The following LRRC75A variants were observed in gnomAD, a reference collection of about 807,000 sequenced individuals.
LRRC75A encodes the protein leucine-rich repeat-containing protein 75A.
Under a neutral mutation model 26.0 loss-of-function variants are expected in LRRC75A, and 12 were observed. The ratio of observed to expected loss-of-function variants is 0.46; its 90% CI spans 0.30 to 0.75. LRRC75A has a LOEUF of 0.75. Ranked by LOEUF, LRRC75A falls within the 30% of genes least tolerant of loss-of-function variation. The pLI is 0.08. For missense variants in LRRC75A, 410 were observed against 486.6 expected (o/e 0.84, Z 1.48); for synonymous variants, 223 against 219.3 (o/e 1.02, Z -0.15).
chr17:16,463,505 CAGGCCCACCCACT>C (rs1465334766), intron 1 of LRRC75A, among the ~76,000 whole-genome samples: 2 of 152,196 alleles, frequency 1.3e-5, no homozygotes, highest in African/African-American at 2.4e-5. Context: ...GGAGGCAAAG[CAGGCCCACCCACT>C]GCAGGCTGTC....
chr17:16,452,079 C>G (rs1336309778), intron 2 of LRRC75A, among the ~76,000 whole-genome samples: 1 of 150,726 alleles, frequency 6.6e-6, no homozygotes, highest in Non-Finnish European at 1.5e-5. Context: ...GGGCCAGGTG[C>G]TGTGGCTCAC....
intron 2 of LRRC75A, among the ~76,000 whole-genome samples, chr17:16,453,652 C>G (rs1372762367): frequency 6.6e-6 from 1 of 152,128 alleles, no homozygotes; most frequent in Non-Finnish European, 1.5e-5. Flanking sequence ...TTGGGCATCT[C>G]CTCTGAGCAC....
intron 1 of LRRC75A, among the ~76,000 whole-genome samples, chr17:16,476,226 G>C (rs1213396521): frequency 6.6e-6 from 1 of 151,682 alleles, no homozygotes; most frequent in African/African-American, 2.4e-5. Flanking sequence ...AAATTAGCTG[G>C]GTGTGGTGGC....
At chr17:16,452,590 C>G (rs1601101451) in intron 2 of LRRC75A, among the ~76,000 whole-genome samples, 3 of 152,060 alleles carry the variant, frequency 2.0e-5, no homozygotes, top group Non-Finnish European at 4.4e-5. Context: ...CGCCTGCCAC[C>G]ACACCCCGCT....
Position 16,447,907 on chromosome 17 carries a change from G to T in LRRC75A, c.429C>A (p.His143Gln). ...GCCTCCACTGGGAGTGGGGGCTGAG[G>T]TGGTATGTCAGCTGCCGGCACAGCT... The part of the protein sequence containing the change: ...MEKLCRQLTY[H>Q]LSPHSQWRRH... Residue 143 changes from histidine to glutamine, a missense_variant, in exon 3 of 4, where the codon CAC (histidine) becomes CAA (glutamine). His to Gln is a conservative substitution (Grantham distance 24). Transcript: ENST00000470794. 1 of 1,550,854 alleles carries T rather than the reference G, an allele frequency of 6.4e-7. No individual in the cohort carries two copies. The highest frequency in any genetic ancestry group is 8.7e-7 in the Non-Finnish European group (1 of 1,146,920).
In LRRC75A at chr17:16,443,889, G is replaced by A. The variant is rs765627097; in HGVS notation, c.734C>T (p.Ala245Val). Residue 245 changes from alanine (A) to valine (V), a missense_variant, in exon 4 of 4, where the codon GCC becomes GTC. By Grantham distance (64) the Ala-to-Val change is moderately conservative. Transcript: ENST00000470794. ...GATGTCAGTGAGGTCGCGCAGCACG[G>A]CCCGGGTCAACCGGTTGCCATTGAG... ...LALNGNRLTR[A>V]VLRDLTDILK... 3 of 1,613,382 alleles carry A rather than the reference G, an allele frequency of 1.9e-6. No homozygotes were observed. Among genetic ancestry groups the A allele is most frequent in the Non-Finnish European group, 2.5e-6 (3 of 1,179,456 alleles).
chr17:16,477,663 G>A (rs1343002232), intron 1 of LRRC75A, among the ~76,000 whole-genome samples: 2 of 152,308 alleles, frequency 1.3e-5, no homozygotes, highest in African/African-American at 2.4e-5. Flanking sequence ...CCCTTCCAGG[G>A]GCCTTCCCAG....
In LRRC75A at chr17:16,441,986, A is replaced by G. The variant is rs1196110161; in HGVS notation, c.*1602T>C. 6.5e-6 allele frequency: 1 copy of G among 152,962 alleles called. No homozygotes were observed. The highest frequency in any genetic ancestry group is 1.5e-5 in the Non-Finnish European group (1 of 68,552). 9.5% of individuals were successfully genotyped at this position (152,962 alleles called of 1,614,324 possible). On this transcript the variant is annotated 3_prime_UTR_variant, in exon 4 of 4. Coordinates refer to ENST00000470794, the MANE Select transcript of LRRC75A (RefSeq NM_001113567.3). Reference sequence around the variant, plus strand: ...TTTTTTCATGCAGTTACCATGAACTAATACTACAATAAAGGATGGTCTTGG... The same window carrying G: ...TTTTTTCATGCAGTTACCATGAACTGATACTACAATAAAGGATGGTCTTGG...
intron 1 of LRRC75A, among the ~76,000 whole-genome samples, chr17:16,467,299 G>A (rs1019252303): frequency 2.0e-5 from 3 of 152,190 alleles, no homozygotes; most frequent in African/African-American, 4.8e-5. Context: ...GACTACAAGC[G>A]TGAGGCACTG....
intron 1 of LRRC75A, among the ~76,000 whole-genome samples, chr17:16,471,675 T>C (rs1179492561): frequency 6.6e-6 from 1 of 152,152 alleles, no homozygotes; most frequent in African/African-American, 2.4e-5. Context: ...TCCTATAGGA[T>C]CCCCAAGGTG....
At chr17:16,480,653 A>AC (rs1177410952) in intron 1 of LRRC75A, among the ~76,000 whole-genome samples, 6 of 151,698 alleles carry the variant, frequency 4.0e-5, no homozygotes, top group African/African-American at 1.2e-4. Flanking sequence ...CAAAAAAAAA[A>AC]AACTGGAGAC....
In LRRC75A at chr17:16,456,140, G is replaced by A. The variant is rs141388194; in HGVS notation, c.375+6118C>T. Among the ~76,000 whole-genome samples, 442 of 148,048 alleles carry A rather than the reference G, an allele frequency of 3.0e-3. 2 individuals carry two copies. The highest frequency in any genetic ancestry group is 0.011 in the African/African-American group (417 of 39,272). On this transcript the variant is annotated intron_variant, in intron 2 of 3. Transcript: ENST00000470794. ...GGAGTAGCAGTAGTAGGAGGAGGAG[G>A]AAGAGGAGGGAGAGGAGGAGGAAGA...
At chr17:16,476,124 G>A (rs2143375749) in intron 1 of LRRC75A, among the ~76,000 whole-genome samples, 1 of 152,320 alleles carries the variant, frequency 6.6e-6, no homozygotes, top group South Asian at 2.1e-4. Flanking sequence ...GAATCCGGGA[G>A]GCGGAGCTTG....
chr17:16,451,447 C>T (rs2093629629), intron 2 of LRRC75A, among the ~76,000 whole-genome samples: 1 of 151,976 alleles, frequency 6.6e-6, no homozygotes, highest in African/African-American at 2.4e-5. Flanking sequence ...ATGGCAAAAC[C>T]CTGTCTCTAC....
intron 1 of LRRC75A, among the ~76,000 whole-genome samples, chr17:16,476,990 G>A (rs957382640): frequency 4.0e-5 from 6 of 151,226 alleles, no homozygotes; most frequent in South Asian, 2.1e-4. Flanking sequence ...CGCCCGCCTT[G>A]GCCTCCCAAA....
At position 16,442,890 on chromosome 17, in the gene LRRC75A, T is replaced by C. The variant is rs1259474659; in HGVS notation, c.*698A>G. 1 of 152,256 alleles carries C rather than the reference T, an allele frequency of 6.6e-6. No homozygotes were observed. The highest frequency in any genetic ancestry group is 2.4e-5 in the African/African-American group (1 of 41,446). 9.4% of individuals were successfully genotyped at this position (152,256 alleles called of 1,614,324 possible). On this transcript the variant is annotated 3_prime_UTR_variant, in exon 4 of 4. Coordinates refer to ENST00000470794, the MANE Select transcript of LRRC75A (RefSeq NM_001113567.3). The stretch of plus-strand genomic sequence containing the variant: ...TGGATAGGGGATTTCTGAACAGGAC[T>C]TTATGCCTGTATGCATGGGCACCAT...
intron 2 of LRRC75A, among the ~76,000 whole-genome samples, chr17:16,451,004 G>A (rs972792950): frequency 6.6e-6 from 1 of 152,128 alleles, no homozygotes; most frequent in African/African-American, 2.4e-5. Context: ...GTAAGTTTGA[G>A]GAGCTCACAA....
Position 16,443,887 on chromosome 17 carries a change from C to T in LRRC75A, c.736G>A (p.Val246Met), listed in dbSNP as rs141784584. 58 of 1,613,228 alleles carry T rather than the reference C, an allele frequency of 3.6e-5. No homozygotes were observed. In the Middle Eastern group the frequency reaches 8.2e-4, roughly 23 times the overall value. ...ALNGNRLTRAVLRDLTDILKD... is the reference protein window; with the variant it reads ...ALNGNRLTRAMLRDLTDILKD... Reference sequence around the variant, plus strand: ...AGGATGTCAGTGAGGTCGCGCAGCACGGCCCGGGTCAACCGGTTGCCATTG... The same window carrying T: ...AGGATGTCAGTGAGGTCGCGCAGCATGGCCCGGGTCAACCGGTTGCCATTG... Residue 246 changes from valine (V) to methionine (M), a missense_variant, in exon 4 of 4, where the codon GTG becomes ATG. Coordinates refer to ENST00000470794, the MANE Select transcript of LRRC75A (RefSeq NM_001113567.3).
rs868332980 is a variant in LRRC75A at position 16,462,110 on chromosome 17, G to C, written c.375+148C>G. On this transcript the variant is annotated intron_variant, in intron 2 of 3. Transcript: ENST00000470794. This position sits in a 1 kb window ranked among gnomAD's most constrained non-coding sequence, Gnocchi z 4.6. ...AATCTGTGCTAGTGGCACCAAGGGA[G>C]AGCACCTCAAGCTCTTGGTGCCTGG... 12 of 989,074 alleles carry C rather than the reference G, an allele frequency of 1.2e-5. No individual in the cohort carries two copies. Among genetic ancestry groups the C allele is most frequent in the Middle Eastern group, 2.9e-4 (1 of 3,482 alleles). The allele number at this position is 989,074 out of a possible 1,614,324, so 61.3% of individuals were successfully genotyped here.
Sources: gnomAD v4.1 joint callset for allele counts (sites outside exome capture counted in the v4.1 genomes callset) on GRCh38, gnomAD v4.1.1 for gene constraint, Gnocchi (gnomAD v3.1) non-coding constraint, MANE v1.5 for transcripts, NCBI Gene and HGNC (gene_info 2026-07-23, HGNC 2026-07-21) for gene names.